PIWIL2: variants seen among roughly 807,000 people sequenced by gnomAD.
PIWIL2 encodes the protein piwi-like protein 2.
Under a neutral mutation model 116.5 loss-of-function variants are expected in PIWIL2, and 81 were observed. The observed-to-expected ratio is 0.70, with a 90% CI of 0.58 to 0.84. The LOEUF (loss-of-function observed/expected upper bound fraction) is 0.84. PIWIL2 is among the 40% of genes least tolerant of loss of function. PIWIL2 has a pLI of 0.00. For synonymous variants in PIWIL2, 489 were observed against 429.5 expected (o/e 1.14, Z -1.71); for missense variants, 1,272 against 1,212.3 (o/e 1.05, Z -0.73).
At chr8:22,279,129 G>A (rs373661492) in intron 1 of PIWIL2, among the ~76,000 whole-genome samples, 31 of 152,272 alleles carry the variant, frequency 2.0e-4, no homozygotes, top group Non-Finnish European at 3.4e-4. Flanking sequence ...AGTCTCTGGT[G>A]CCAAAAAGGT....
intron 5 of PIWIL2, among the ~76,000 whole-genome samples, chr8:22,283,522 C>G (rs1830561056): frequency 6.6e-6 from 1 of 152,220 alleles, no homozygotes; most frequent in Non-Finnish European, 1.5e-5. Context: ...AATTCCCCTG[C>G]CTCAACCTCC....
intron 4 of PIWIL2, among the ~76,000 whole-genome samples, chr8:22,281,767 A>ATTTT (rs1313870060): frequency 1.7e-5 from 2 of 118,536 alleles, no homozygotes; most frequent in Non-Finnish European, 3.5e-5. Flanking sequence ...GATCATGGTG[A>ATTTT]TTTTTTTTTT....
chr8:22,329,418 G>A (rs1175229678), intron 20 of PIWIL2, among the ~76,000 whole-genome samples: 1 of 152,228 alleles, frequency 6.6e-6, no homozygotes, highest in African/African-American at 2.4e-5. Flanking sequence ...TACAGTCATG[G>A]TGGAAGGTGA....
intron 10 of PIWIL2, among the ~76,000 whole-genome samples, chr8:22,297,177 G>T (rs1183624650): frequency 2.0e-5 from 3 of 151,746 alleles, no homozygotes; most frequent in Non-Finnish European, 4.4e-5. Flanking sequence ...TTTCATAAAG[G>T]CAGGGTCTCA....
At chr8:22,318,402 CTG>C in intron 20 of PIWIL2, 127 bp downstream of exon 20, 1 of 573,050 alleles carries the variant, frequency 1.7e-6, no homozygotes, top group Non-Finnish European at 3.1e-6. Context: ...ACTGCAACCT[CTG>C]CCTCCTGGGT....
chr8:22,307,233 G>A (rs1185976398), intron 13 of PIWIL2, among the ~76,000 whole-genome samples: 1 of 152,052 alleles, frequency 6.6e-6, no homozygotes, highest in Admixed American at 6.6e-5. Flanking sequence ...TGTTGCCCAG[G>A]CTGGTCTCAA....
chr8:22,340,018 C>A (rs1184210781), intron 20 of PIWIL2, among the ~76,000 whole-genome samples: 2 of 149,562 alleles, frequency 1.3e-5, no homozygotes, highest in Non-Finnish European at 1.5e-5. Context: ...AAAACATTAG[C>A]AGAGTGAACC....
At chr8:22,352,569 C>T (rs1341374183) in intron 20 of PIWIL2, among the ~76,000 whole-genome samples, 1 of 152,162 alleles carries the variant, frequency 6.6e-6, no homozygotes, top group African/African-American at 2.4e-5. Flanking sequence ...TAGAATTTCT[C>T]TAACACTTTA....
intron 20 of PIWIL2, among the ~76,000 whole-genome samples, chr8:22,337,389 A>G (rs1586590585): frequency 6.6e-6 from 1 of 152,164 alleles, no homozygotes; most frequent in East Asian, 1.9e-4. Context: ...TCAGAAAACA[A>G]TTTATGATTG....
intron 8 of PIWIL2, among the ~76,000 whole-genome samples, chr8:22,289,100 G>T (rs995081119): frequency 4.0e-5 from 6 of 150,846 alleles, no homozygotes; most frequent in Non-Finnish European, 8.8e-5. Flanking sequence ...TCATACAGCC[G>T]CTATTCTCTT....
At chr8:22,352,765 T>C (rs1392268213) in intron 20 of PIWIL2, 194 bp from the exon 21 acceptor site, 5 of 518,090 alleles carry the variant, frequency 9.7e-6, no homozygotes, top group Non-Finnish European at 1.7e-5. Flanking sequence ...GCACCAGGCG[T>C]GTTTTACTAC....
chr8:22,295,759 C>T (rs1019150421), intron 10 of PIWIL2, among the ~76,000 whole-genome samples: 17 of 152,074 alleles, frequency 1.1e-4, no homozygotes, highest in African/African-American at 4.1e-4. Context: ...GAGAAGAGCT[C>T]GGTGTTTAAA....
chr8:22,343,958 T>A (rs1442671703), intron 20 of PIWIL2, among the ~76,000 whole-genome samples: 1 of 152,226 alleles, frequency 6.6e-6, no homozygotes, highest in Admixed American at 6.5e-5. Context: ...GCAACTTTAT[T>A]CATTACTGCC....
At chr8:22,315,567 A>AGGTGGCAGATTTTGGAAGGTGATCT (rs1042766827) in intron 18 of PIWIL2, among the ~76,000 whole-genome samples, 3 of 152,146 alleles carry the variant, frequency 2.0e-5, no homozygotes, top group African/African-American at 7.2e-5. Flanking sequence ...TGCCCACCTC[A>AGGTGGCAGATTTTGGAAGGTGATCT]GCCTTCCAAA....
In PIWIL2 at chr8:22,289,855, A is replaced by C. The variant is rs973337539; in HGVS notation, c.995A>C (p.Lys332Thr). ...FYNVVFRRVM[K>T]LLDMKLVGRN... ...CTTGCTTTTTATTTCAGGGTAATGA[A>C]ACTTTTAGATATGAAGCTTGTGGGG... Residue 332 changes from lysine (K) to threonine (T), a missense_variant, in exon 9 of 23, where the codon AAA becomes ACA. By Grantham distance (78) the Lys-to-Thr change is moderately conservative (BLOSUM62 -1). Coordinates refer to ENST00000356766, the MANE Select transcript of PIWIL2 (RefSeq NM_018068.5). The C allele has an allele frequency of 1.2e-6, 2 of 1,600,682 alleles. No individual in the cohort carries two copies. The highest frequency in any genetic ancestry group is 1.7e-6 in the Non-Finnish European group (2 of 1,168,074).
At chr8:22,285,609 AT>A (rs1007993455) in intron 6 of PIWIL2, among the ~76,000 whole-genome samples, 5 of 151,538 alleles carry the variant, frequency 3.3e-5, no homozygotes, top group Admixed American at 3.3e-4. Flanking sequence ...TATTAGTACT[AT>A]TTTTAGTTTT....
In PIWIL2 at chr8:22,287,583, G is replaced by T. The variant is rs762202099; in HGVS notation, c.799G>T (p.Val267Phe). Reference protein sequence around the residue: ...RFGMLKDHQAVTGNVTAFDGS... With the variant: ...RFGMLKDHQAFTGNVTAFDGS... ...CGGCATGTTGAAGGACCATCAAGCT[G>T]TCACCGGCAACGTCACTGCGTTTGA... The change falls in exon 7 of 23, where the codon GTC becomes TTC. Residue 267 changes from valine (V) to phenylalanine (F), a missense_variant. Val to Phe is a conservative substitution (Grantham distance 50). Transcript: ENST00000356766. The T allele has an allele frequency of 6.2e-7, 1 of 1,614,010 alleles. No homozygotes were observed. Among genetic ancestry groups the T allele is most frequent in the East Asian group, 2.2e-5 (1 of 44,882 alleles).
At chr8:22,330,295 C>G (rs1386742276) in intron 20 of PIWIL2, among the ~76,000 whole-genome samples, 1 of 152,076 alleles carries the variant, frequency 6.6e-6, no homozygotes, top group Admixed American at 6.6e-5. Context: ...TTGGTTCTTT[C>G]TTGTAATTTC....
chr8:22,322,544 G>A (rs747184379), intron 20 of PIWIL2, among the ~76,000 whole-genome samples: 9 of 152,134 alleles, frequency 5.9e-5, no homozygotes, highest in Non-Finnish European at 1.2e-4. Flanking sequence ...TGGGATTATA[G>A]CTGTGAGCCA....
Sources: gnomAD v4.1 joint callset for allele counts (sites outside exome capture counted in the v4.1 genomes callset) on GRCh38, gnomAD v4.1.1 for gene constraint, MANE v1.5 for transcripts, NCBI Gene and HGNC (gene_info 2026-07-23, HGNC 2026-07-21) for gene names.